The following ST6GAL1 variants were observed in gnomAD, a reference collection of about 807,000 sequenced individuals.
ST6GAL1 encodes the protein ST6 beta-galactoside alpha-2,6-sialyltransferase 1.
In ST6GAL1, 20 loss-of-function variants were observed where a neutral mutation model predicts 38.0. The ratio of observed to expected loss-of-function variants is 0.53; its 90% CI spans 0.37 to 0.77. ST6GAL1 has a LOEUF of 0.77. Among genes scored for constraint, ST6GAL1 ranks in the 30% least tolerant of loss-of-function variants. The pLI, the probability that ST6GAL1 is intolerant of heterozygous loss-of-function variation, is 0.00. For missense variants in ST6GAL1, 432 were observed against 496.4 expected (o/e 0.87, Z 1.23); for synonymous variants, 196 against 188.2 (o/e 1.04, Z -0.34).
At chr3:187,050,254 C>T (rs1040228439) in intron 4 of ST6GAL1, among the ~76,000 whole-genome samples, 1 of 152,106 alleles carries the variant, frequency 6.6e-6, no homozygotes, top group Admixed American at 6.5e-5. Flanking sequence ...CCCCAGATCC[C>T]GTGTAGATTT....
At chr3:187,048,536 C>T (rs1210666721) in intron 4 of ST6GAL1, among the ~76,000 whole-genome samples, 1 of 152,170 alleles carries the variant, frequency 6.6e-6, no homozygotes, top group East Asian at 1.9e-4. Context: ...TGGCACACAG[C>T]TCAGCTTGTT....
chr3:186,986,128 A>G (rs1327528598), intron 2 of ST6GAL1, among the ~76,000 whole-genome samples: 2 of 152,342 alleles, frequency 1.3e-5, no homozygotes, highest in Non-Finnish European at 2.9e-5. Context: ...AGACCCCGCC[A>G]TAAGGAAGCA....
chr3:186,962,298 C>T (rs1304844238), intron 1 of ST6GAL1, among the ~76,000 whole-genome samples: 1 of 152,188 alleles, frequency 6.6e-6, no homozygotes, highest in African/African-American at 2.4e-5. Flanking sequence ...ACTCCCCTGT[C>T]CCTCCACGGG....
chr3:187,072,984 CCTGT>C (rs775817459), intron 6 of ST6GAL1, 37 bp downstream of exon 6: 5 of 1,505,716 alleles, frequency 3.3e-6, no homozygotes, highest in Non-Finnish European at 4.6e-6. Flanking sequence ...GGTTGAGTTT[CCTGT>C]CTGTCTACAG....
At chr3:186,992,948 A>C (rs962123107) in intron 2 of ST6GAL1, among the ~76,000 whole-genome samples, 1 of 152,220 alleles carries the variant, frequency 6.6e-6, no homozygotes, top group South Asian at 2.1e-4. Flanking sequence ...CAAACTGTTT[A>C]CTAACTTGCC....
At chr3:186,960,788 C>CT (rs1438150530) in intron 1 of ST6GAL1, among the ~76,000 whole-genome samples, 4 of 149,632 alleles carry the variant, frequency 2.7e-5, no homozygotes, top group Non-Finnish European at 5.9e-5. Context: ...TTTTTTAAAT[C>CT]TTTTTTATTT....
intron 1 of ST6GAL1, among the ~76,000 whole-genome samples, chr3:186,956,892 A>G (rs1579269553): frequency 6.6e-6 from 1 of 152,226 alleles, no homozygotes; most frequent in Non-Finnish European, 1.5e-5. Context: ...AGAGACAACA[A>G]CAGCACTAGA....
At chr3:186,972,305 T>C (rs1715377522) in intron 2 of ST6GAL1, among the ~76,000 whole-genome samples, 1 of 151,724 alleles carries the variant, frequency 6.6e-6, no homozygotes, top group South Asian at 2.1e-4. Context: ...GGAGTGCGCC[T>C]GGGAGGGATG....
rs148851517 is a variant in ST6GAL1 at position 187,051,212 on chromosome 3, G to A, written c.608-37G>A. 1.2e-4 allele frequency: 190 copies of A among 1,569,168 alleles called. 1 individual carries two copies. In the East Asian group the frequency reaches 3.9e-3, roughly 32 times the overall value. On this transcript the variant is annotated intron_variant, in intron 4 of 7. Coordinates refer to ENST00000169298, the MANE Select transcript of ST6GAL1 (RefSeq NM_173216.2). ...TTCTCTTTTTCTGCATATTGCCAGT[G>A]CTCATCACCTCTTTTCTGTTTCTTT...
chr3:187,072,499 C>A (rs1719418751), intron 5 of ST6GAL1: 1 of 340,404 alleles, frequency 2.9e-6, no homozygotes, highest in Non-Finnish European at 5.7e-6. Flanking sequence ...TTATATGAGT[C>A]CCTGACTTCA....
intron 2 of ST6GAL1, among the ~76,000 whole-genome samples, chr3:187,029,765 G>A (rs1279765023): frequency 6.6e-6 from 1 of 152,160 alleles, no homozygotes; most frequent in Admixed American, 6.5e-5. Flanking sequence ...TTGAGTTTTA[G>A]CCAATCATGT....
At chr3:187,043,477 T>G (rs1159826883) in intron 4 of ST6GAL1, among the ~76,000 whole-genome samples, 167 bp downstream of exon 4, 1 of 152,210 alleles carries the variant, frequency 6.6e-6, no homozygotes, top group African/African-American at 2.4e-5. Context: ...GTTGAACAGA[T>G]GGCGCTCTAG....
chr3:187,041,756 C>A (rs1016478950), intron 3 of ST6GAL1, among the ~76,000 whole-genome samples: 1 of 152,192 alleles, frequency 6.6e-6, no homozygotes. Flanking sequence ...GATTATAACA[C>A]CTTTGAAGTG....
intron 1 of ST6GAL1, among the ~76,000 whole-genome samples, chr3:186,947,089 CA>C (rs770741105): frequency 6.6e-6 from 1 of 152,016 alleles, no homozygotes; most frequent in Non-Finnish European, 1.5e-5. Context: ...TTACTGGGAG[CA>C]GTTTGTTGGT....
rs144054733 is a variant in ST6GAL1, at chr3:186,971,789, C to T, written c.-183+7863C>T. Among the ~76,000 whole-genome samples, 41 of 152,334 alleles carry T rather than the reference C, an allele frequency of 2.7e-4. 1 individual carries two copies. The highest frequency in any genetic ancestry group is 2.1e-3 in the Admixed American group (32 of 15,304). On this transcript the variant is annotated intron_variant, in intron 2 of 7. Transcript: ENST00000169298. The stretch of plus-strand genomic sequence containing the variant: ...TTTCACTGTGCTTTCCACCCTGTTC[C>T]TCCCTGGTGCCAGCGTGCCAACATC...
intron 2 of ST6GAL1, among the ~76,000 whole-genome samples, chr3:187,021,112 T>C (rs77530527): frequency 0.34 from 50,767 of 151,412 alleles, 9,057 homozygotes; most frequent in East Asian, 0.43. Flanking sequence ...TACAGGAGCA[T>C]GCCACCACGC....
chr3:187,046,385 A>G (rs577006795), intron 4 of ST6GAL1, among the ~76,000 whole-genome samples: 15 of 152,318 alleles, frequency 9.8e-5, no homozygotes, highest in African/African-American at 3.1e-4. Flanking sequence ...CCCTGGGTAG[A>G]TATCTATGCT....
chr3:187,002,370 A>G (rs891021139), intron 2 of ST6GAL1, among the ~76,000 whole-genome samples: 1 of 152,232 alleles, frequency 6.6e-6, no homozygotes, highest in African/African-American at 2.4e-5. Flanking sequence ...AAGGTAAAAA[A>G]CATATTCTTT....
Position 187,077,327 on chromosome 3 carries a change from G to A in ST6GAL1, c.*1524G>A. On this transcript the variant is annotated 3_prime_UTR_variant, in exon 8 of 8. Coordinates refer to ENST00000169298, the MANE Select transcript of ST6GAL1 (RefSeq NM_173216.2). ...GACCAGCGCAGCCCTGGTGTGGAGA[G>A]GTTAAAAGACTTGCACAGGATCACC... 5.1e-6 allele frequency: 1 copy of A among 196,628 alleles called. No individual in the cohort carries two copies. The highest frequency in any genetic ancestry group is 1.0e-5 in the Non-Finnish European group (1 of 98,474). 12.2% of individuals were successfully genotyped at this position (196,628 alleles called of 1,614,324 possible).
Sources: gnomAD v4.1 joint callset for allele counts (sites outside exome capture counted in the v4.1 genomes callset) on GRCh38, gnomAD v4.1.1 for gene constraint, MANE v1.5 for transcripts, NCBI Gene and HGNC (gene_info 2026-07-23, HGNC 2026-07-21) for gene names.